Variants in DLG2 observed in about 807,000 individuals in gnomAD.
DLG2 encodes the protein disks large homolog 2.
A neutral mutation model predicts 132.5 loss-of-function variants in DLG2; 45 were observed. The observed-to-expected ratio is 0.34, with a 90% confidence interval of 0.27 to 0.44. DLG2 has a LOEUF of 0.44. DLG2 is among the 20% of genes least tolerant of loss of function. DLG2 has a pLI of 1.00. For missense variants in DLG2, 1,045 were observed against 1,196.9 expected (o/e 0.87, Z 1.87); for synonymous variants, 424 against 419.6 (o/e 1.01, Z -0.13).
chr11:83,916,418 T>C (rs1247377381), intron 15 of DLG2, among the ~76,000 whole-genome samples: 1 of 151,988 alleles, frequency 6.6e-6, no homozygotes, highest in East Asian at 1.9e-4. Context: ...CAGGTTCAAG[T>C]GACTCTCCTG....
At chr11:84,155,590 A>C (rs2154255207) in intron 9 of DLG2, among the ~76,000 whole-genome samples, 1 of 151,948 alleles carries the variant, frequency 6.6e-6, no homozygotes, top group East Asian at 1.9e-4. Context: ...ATTAGTGGGC[A>C]GATGTCTTGG....
chr11:84,140,298 G>A (rs367759026), intron 9 of DLG2, among the ~76,000 whole-genome samples: 2 of 151,992 alleles, frequency 1.3e-5, no homozygotes, highest in African/African-American at 4.8e-5. Flanking sequence ...ATTTCACAGG[G>A]CACTTTGGAG....
rs193084296 is a variant in DLG2 at position 85,013,339 on chromosome 11, C to T, written c.357+98322G>A. Among the ~76,000 whole-genome samples the T allele has an allele frequency of 5.3e-5, 8 of 152,240 alleles. No individual in the cohort carries two copies. The East Asian group carries it at 1.5e-3, about 29-fold the overall frequency. On this transcript the variant is annotated intron_variant, in intron 6 of 27. Transcript: ENST00000376104. ...CCTGAACCATGTATCTTTGGATCCT[C>T]AGATAACATTAAGACTTCTGGTTGC...
At chr11:84,547,313 A>C (rs1401822811) in intron 6 of DLG2, among the ~76,000 whole-genome samples, 1 of 152,176 alleles carries the variant, frequency 6.6e-6, no homozygotes, top group African/African-American at 2.4e-5. Flanking sequence ...TCTAACTGCA[A>C]CTTCTCCCAC....
intron 3 of DLG2, among the ~76,000 whole-genome samples, chr11:85,499,897 C>G (rs902174419): frequency 6.6e-6 from 1 of 152,174 alleles, no homozygotes; most frequent in Non-Finnish European, 1.5e-5. Flanking sequence ...AATTCAACAG[C>G]CTTTCATGCT....
At chr11:84,102,231 G>GT (rs1252837392) in intron 9 of DLG2, among the ~76,000 whole-genome samples, 2 of 152,134 alleles carry the variant, frequency 1.3e-5, no homozygotes, top group African/African-American at 4.8e-5. Context: ...TTATTTTGTA[G>GT]TTGTCTGTTT....
chr11:83,467,808 T>TACACAC (rs1475625311), intron 25 of DLG2, among the ~76,000 whole-genome samples: 5 of 85,272 alleles, frequency 5.9e-5, no homozygotes, highest in Non-Finnish European at 1.2e-4. Flanking sequence ...TATATATATA[T>TACACAC]ATACACACAC....
chr11:85,182,822 A>G (rs774923352), intron 4 of DLG2, among the ~76,000 whole-genome samples: 18 of 150,542 alleles, frequency 1.2e-4, no homozygotes, highest in Non-Finnish European at 2.5e-4. Context: ...CACAAAAGAC[A>G]CTTGAAACCA....
intron 12 of DLG2, among the ~76,000 whole-genome samples, chr11:83,973,891 A>G (rs71468355): frequency 0.043 from 6,598 of 152,080 alleles, 196 homozygotes; most frequent in Non-Finnish European, 0.067. Context: ...GGACATCAAA[A>G]TCTATGTCTG....
chr11:84,899,855 G>T (rs1290517688), intron 6 of DLG2, among the ~76,000 whole-genome samples: 1 of 151,960 alleles, frequency 6.6e-6, no homozygotes, highest in East Asian at 1.9e-4. Context: ...CTTCTCTCTG[G>T]GAAGACACAG....
intron 6 of DLG2, among the ~76,000 whole-genome samples, chr11:84,577,285 T>C (rs1237640230): frequency 6.6e-6 from 1 of 152,188 alleles, no homozygotes; most frequent in African/African-American, 2.4e-5. Flanking sequence ...GCTGAAAAGA[T>C]ACCCAAAAAT....
chr11:85,447,505 A>T (rs2092064026), intron 3 of DLG2, among the ~76,000 whole-genome samples: 1 of 152,198 alleles, frequency 6.6e-6, no homozygotes, highest in African/African-American at 2.4e-5. Context: ...AGGGGAAGAT[A>T]GCCATCTGCA....
chr11:85,511,043 T>TA (rs1166286201), intron 3 of DLG2, among the ~76,000 whole-genome samples: 3 of 151,986 alleles, frequency 2.0e-5, no homozygotes, highest in Non-Finnish European at 2.9e-5. Flanking sequence ...TATGCAGCCA[T>TA]AAAAAATGAT....
intron 13 of DLG2, 42 bp from the exon 14 acceptor site, chr11:83,963,065 G>A (rs2089265295): frequency 1.3e-6 from 2 of 1,598,846 alleles, no homozygotes; most frequent in Non-Finnish European, 8.6e-7. Flanking sequence ...CTGTTATGTG[G>A]GTGATTCAAT....
intron 6 of DLG2, among the ~76,000 whole-genome samples, chr11:84,636,886 A>G (rs1314523555): frequency 6.6e-6 from 1 of 151,616 alleles, no homozygotes; most frequent in Non-Finnish European, 1.5e-5. Context: ...GGTTCAAGCA[A>G]TTCTCCTGCT....
intron 4 of DLG2, among the ~76,000 whole-genome samples, chr11:85,193,159 A>G (rs1205908762): frequency 1.3e-5 from 2 of 152,190 alleles, no homozygotes; most frequent in African/African-American, 2.4e-5. Context: ...CTGGAATTTT[A>G]TAAATTGAAT....
At chr11:83,659,020 A>G (rs2073517083) in intron 18 of DLG2, among the ~76,000 whole-genome samples, 1 of 152,044 alleles carries the variant, frequency 6.6e-6, no homozygotes, top group South Asian at 2.1e-4. Context: ...TGGTACTCTC[A>G]CTTACTGTCT....
chr11:85,264,969 A>T (rs891625914), intron 4 of DLG2, among the ~76,000 whole-genome samples: 4 of 152,160 alleles, frequency 2.6e-5, no homozygotes, highest in African/African-American at 9.7e-5. Flanking sequence ...ATCATCCTCC[A>T]CTTACATTCT....
chr11:83,857,962 T>C (rs1378564190), intron 16 of DLG2, among the ~76,000 whole-genome samples: 3 of 152,186 alleles, frequency 2.0e-5, no homozygotes, highest in African/African-American at 7.2e-5. Context: ...CAATGAATCA[T>C]TATGGAATGA....
Sources: gnomAD v4.1 joint callset for allele counts (sites outside exome capture counted in the v4.1 genomes callset) on GRCh38, gnomAD v4.1.1 for gene constraint, MANE v1.5 for transcripts, NCBI Gene and HGNC (gene_info 2026-07-23, HGNC 2026-07-21) for gene names.